The following FYB1 variants were observed in gnomAD, a reference collection of about 807,000 sequenced individuals.
FYB1 encodes FYN binding protein 1, also known as FYN-binding protein 1.
Under a neutral mutation model 94.1 loss-of-function variants are expected in FYB1, and 41 were observed. That is an observed-to-expected ratio of 0.44 (90% CI 0.34 to 0.57). The LOEUF (loss-of-function observed/expected upper bound fraction) is 0.57, where lower values mean the gene tolerates loss of function less well. Among genes scored for constraint, FYB1 ranks in the 20% least tolerant of loss-of-function variants. FYB1 has a pLI of 0.02. For synonymous variants in FYB1, 367 were observed against 353.2 expected (o/e 1.04, Z -0.44); for missense variants, 1,050 against 976.8 (o/e 1.07, Z -1.00).
intron 18 of FYB1, 21 bp downstream of exon 18, chr5:39,108,210 G>C: frequency 6.6e-7 from 1 of 1,512,438 alleles, no homozygotes. Context: ...GTTCTCTAGG[G>C]TGGTACTACA....
At chr5:39,182,058 T>G (rs984200413) in intron 2 of FYB1, among the ~76,000 whole-genome samples, 6 of 152,014 alleles carry the variant, frequency 3.9e-5, no homozygotes, top group African/African-American at 1.4e-4. Flanking sequence ...TTCCCAAACA[T>G]CAAAACCTCA....
intron 2 of FYB1, among the ~76,000 whole-genome samples, chr5:39,154,425 T>C (rs1156475603): frequency 6.6e-6 from 1 of 152,176 alleles, no homozygotes; most frequent in Non-Finnish European, 1.5e-5. Context: ...AAAGAGGATA[T>C]CTTGACAAAC....
chr5:39,217,107 G>T (rs1202792142), intron 1 of FYB1, among the ~76,000 whole-genome samples: 2 of 152,102 alleles, frequency 1.3e-5, no homozygotes, highest in African/African-American at 4.8e-5. Flanking sequence ...TATTCCTAGT[G>T]ACCAATAGAG....
At chr5:39,223,804 A>G (rs991835654), upstream of FYB1, among the ~76,000 whole-genome samples, 3 of 152,138 alleles carry the variant, frequency 2.0e-5, no homozygotes, top group South Asian at 4.1e-4. Context: ...GTAGAGATGG[A>G]GAAGGTCAGC....
In FYB1 at chr5:39,202,642, C is replaced by G. The variant is rs199754830; in HGVS notation, c.319G>C (p.Val107Leu). 1 of 1,613,862 alleles carries G rather than the reference C, an allele frequency of 6.2e-7. No individual in the cohort carries two copies. The change falls in exon 2 of 19, where the codon GTG becomes CTG. Residue 107 changes from valine (V) to leucine (L), a missense_variant. By Grantham distance (32) the Val-to-Leu change is conservative. Transcript: ENST00000512982. The stretch of plus-strand genomic sequence containing the variant: ...GGGCCTACAGGTTTCAGAAATCCCA[C>G]TTTCGCCTCGGGGTCTCTGGTGGTC... ...SLTTRDPEAK[V>L]GFLKPVGPKP... is the part of the protein sequence containing the mutation.
At chr5:39,140,203 C>A (rs375729942) in intron 4 of FYB1, among the ~76,000 whole-genome samples, 1 of 152,128 alleles carries the variant, frequency 6.6e-6, no homozygotes, top group Non-Finnish European at 1.5e-5. Context: ...GACAACTGAC[C>A]GAATGGGAGA....
At chr5:39,149,130 A>T (rs1743027040) in intron 3 of FYB1, among the ~76,000 whole-genome samples, 1 of 152,180 alleles carries the variant, frequency 6.6e-6, no homozygotes, top group Non-Finnish European at 1.5e-5. Flanking sequence ...TTTAAAATAC[A>T]ATATAACTTT....
At chr5:39,221,770 GT>G (rs1360865562), upstream of FYB1, among the ~76,000 whole-genome samples, 6 of 152,194 alleles carry the variant, frequency 3.9e-5, no homozygotes, top group Non-Finnish European at 7.3e-5. Flanking sequence ...GCCTAGGAGG[GT>G]AGGTCACCTG....
intron 16 of FYB1, among the ~76,000 whole-genome samples, chr5:39,111,841 T>C (rs1044833675): frequency 6.6e-6 from 1 of 151,930 alleles, no homozygotes; most frequent in Admixed American, 6.6e-5. Flanking sequence ...AATAACACAT[T>C]ACTCAGTATG....
chr5:39,168,562 T>G (rs577864062), intron 2 of FYB1, among the ~76,000 whole-genome samples: 2 of 152,320 alleles, frequency 1.3e-5, no homozygotes, highest in Admixed American at 6.5e-5. Flanking sequence ...TAAAGATACC[T>G]CCACCTTATT....
At chr5:39,224,442 C>T (rs1750389888), upstream of FYB1, among the ~76,000 whole-genome samples, 2 of 152,162 alleles carry the variant, frequency 1.3e-5, no homozygotes, top group South Asian at 4.1e-4. Context: ...GCAGATGAAG[C>T]TCTGAGGAGT....
chr5:39,111,944 A>G (rs1236501724), intron 16 of FYB1, among the ~76,000 whole-genome samples: 1 of 151,994 alleles, frequency 6.6e-6, no homozygotes, highest in Non-Finnish European at 1.5e-5. Context: ...ATTAATATCT[A>G]TAGTCCGTGG....
At chr5:39,133,625 G>A (rs904862630) in intron 9 of FYB1, among the ~76,000 whole-genome samples, 3 of 152,074 alleles carry the variant, frequency 2.0e-5, no homozygotes, top group African/African-American at 7.2e-5. Flanking sequence ...GTTCTATTCT[G>A]TTCCTCTATA....
At position 39,130,593 on chromosome 5, in the gene FYB1, C is replaced by G. The variant is rs1188233732; in HGVS notation, c.1837G>C (p.Gly613Arg). Residue 613 changes from glycine (G) to arginine (R), a missense_variant, in exon 10 of 19, where the codon GGA (glycine) becomes CGA (arginine). Transcript: ENST00000512982. ...TTTTAAGAAGCGTGTGGCTTACCTC[C>G]ACTTCCACTCTGACTGTGGCTAGAA... ...DISSHSQSGS[G>R]GIFPPPPDDD... 3 of 1,574,112 alleles carry G rather than the reference C, an allele frequency of 1.9e-6. No individual in the cohort carries two copies. The highest frequency in any genetic ancestry group is 2.6e-6 in the Non-Finnish European group (3 of 1,157,562).
chr5:39,112,978 G>A (rs560188773), intron 16 of FYB1, among the ~76,000 whole-genome samples: 13 of 152,044 alleles, frequency 8.6e-5, no homozygotes, highest in South Asian at 2.1e-4. Context: ...GTGATAACAC[G>A]GGGCTTGTTA....
chr5:39,230,971 G>A (rs891858678), intron 1 of FYB1, among the ~76,000 whole-genome samples: 2 of 151,642 alleles, frequency 1.3e-5, no homozygotes, highest in Non-Finnish European at 1.5e-5. Context: ...GCATAATCTT[G>A]TGCAAATATC....
At position 39,134,840 on chromosome 5, in the gene FYB1, G is replaced by C; in HGVS notation, c.1675+15C>G. ...AAAGAAAATACTTCGAAGCCATAGA[G>C]AAATTTGCACTCACATGAACCCCTT... On this transcript the variant is annotated intron_variant, in intron 8 of 18. Transcript: ENST00000512982. 6.2e-7 allele frequency: 1 copy of C among 1,613,154 alleles called. No homozygotes were observed. The highest frequency in any genetic ancestry group is 8.5e-7 in the Non-Finnish European group (1 of 1,179,344).
At chr5:39,265,057 C>T (rs774401418) in intron 1 of FYB1, among the ~76,000 whole-genome samples, 30 of 152,144 alleles carry the variant, frequency 2.0e-4, no homozygotes, top group Non-Finnish European at 2.9e-4. Context: ...CATTTTTGGC[C>T]GGGTTCGGTG....
intron 1 of FYB1, among the ~76,000 whole-genome samples, chr5:39,250,972 A>G (rs1423036312): frequency 6.6e-6 from 1 of 152,248 alleles, no homozygotes; most frequent in East Asian, 1.9e-4. Flanking sequence ...AGATGGAATC[A>G]TGTCATTTTT....
Sources: gnomAD v4.1 joint callset for allele counts (sites outside exome capture counted in the v4.1 genomes callset) on GRCh38, gnomAD v4.1.1 for gene constraint, MANE v1.5 for transcripts, NCBI Gene and HGNC (gene_info 2026-07-23, HGNC 2026-07-21) for gene names.